LAMP2: variants seen among roughly 807,000 people sequenced by gnomAD.
The protein encoded by LAMP2 is lysosome associated membrane protein 2, also known as lysosome-associated membrane glycoprotein 2.
In LAMP2, 4 loss-of-function variants were observed where a neutral mutation model predicts 25.6. The observed-to-expected ratio is 0.16, with a 90% CI of 0.08 to 0.36. LAMP2 has a LOEUF of 0.36. Among genes scored for constraint, LAMP2 ranks in the 10% least tolerant of loss-of-function variants. The probability of loss-of-function intolerance (pLI) is 1.00; values close to 1 mark genes in which losing one functional copy is unlikely to be tolerated. For synonymous variants in LAMP2, 108 were observed against 112.7 expected, an observed-to-expected ratio of 0.96 and a Z score of 0.27; for missense variants, 272 against 301.4, an observed-to-expected ratio of 0.90 and a Z score of 0.72.
chrX:120,450,119 C>T (rs1369055465), intron 3 of LAMP2, among the ~76,000 whole-genome samples: 4 of 111,944 alleles, frequency 3.6e-5, no homozygotes, highest in East Asian at 2.8e-4. Context: ...CTTATAGAAC[C>T]GCTTCCTGGA....
intron 8 of LAMP2, chrX:120,438,335 C>T (rs1728889838): frequency 2.7e-6 from 2 of 752,243 alleles, no homozygotes; most frequent in African/African-American, 4.6e-5. Flanking sequence ...TTTATGAGCA[C>T]AAAGTACTAA....
At chrX:120,435,311 ATATC>A (rs2058538459) in intron 8 of LAMP2, among the ~76,000 whole-genome samples, 1 of 112,300 alleles carries the variant, frequency 8.9e-6, no homozygotes, top group South Asian at 3.7e-4. Flanking sequence ...TCATTCATGA[ATATC>A]TATACCAGTT....
At chrX:120,450,000 T>C in intron 3 of LAMP2, among the ~76,000 whole-genome samples, 1 of 111,789 alleles carries the variant, frequency 8.9e-6, no homozygotes, top group Non-Finnish European at 1.9e-5. Context: ...CATCAGGACT[T>C]AGTGACTATA....
chrX:120,440,439 T>C (rs1249007469), intron 8 of LAMP2, among the ~76,000 whole-genome samples: 1 of 112,257 alleles, frequency 8.9e-6, no homozygotes, highest in East Asian at 2.8e-4. Context: ...ATGTGTTGTA[T>C]TTATAGGTAC....
intron 3 of LAMP2, among the ~76,000 whole-genome samples, chrX:120,454,918 C>T (rs1218385314): frequency 3.5e-5 from 3 of 85,183 alleles, no homozygotes; most frequent in African/African-American, 8.8e-5. Context: ...TATATATACA[C>T]ACACACACAC....
Position 120,429,800 on chromosome X carries a change from A to G in LAMP2, c.*1523T>C. 1.1e-5 allele frequency: 8 copies of G among 753,853 alleles called. No individual in the cohort carries two copies. Among genetic ancestry groups the G allele is most frequent in the Non-Finnish European group, 1.3e-5 (8 of 638,924 alleles). 62.1% of individuals were successfully genotyped at this position (753,853 alleles called of 1,213,427 possible). A position where few individuals can be genotyped will look rare whatever the true frequency, so the allele number is the denominator to read the frequency against. ...CCCACTTGATATGGAACCTCAATGAATTTCACTCCCCTTTCTGTAAATAAT... is the reference window on the plus strand; with the variant it reads ...CCCACTTGATATGGAACCTCAATGAGTTTCACTCCCCTTTCTGTAAATAAT... On this transcript the variant is annotated 3_prime_UTR_variant, in exon 9 of 9. Coordinates refer to ENST00000200639, the MANE Select transcript of LAMP2 (RefSeq NM_002294.3).
chrX:120,453,781 C>T (rs777534336), intron 3 of LAMP2, among the ~76,000 whole-genome samples: 3 of 112,324 alleles, frequency 2.7e-5, no homozygotes, highest in Non-Finnish European at 5.6e-5. Flanking sequence ...GCACTCCAGC[C>T]TGGGCGACAG....
rs188382921 is a variant in LAMP2 at position 120,437,919 on chromosome X, G to A, written c.1093+3811C>T. On this transcript the variant is annotated intron_variant, in intron 8 of 8. Transcript: ENST00000200639. ...CGCCCAGGCTGGAGTGCAATGGTGC[G>A]CTCTTGGCTCACCGCAACCTCTGCC... 1,535 of 443,946 alleles carry A rather than the reference G, an allele frequency of 3.5e-3. 4 individuals carry two copies. The highest frequency in any genetic ancestry group is 9.1e-3 in the African/African-American group (339 of 37,120). The allele number at this position is 443,946 out of a possible 1,213,427, so 36.6% of individuals were successfully genotyped here.
chrX:120,441,406 C>T (rs191600156), intron 8 of LAMP2, among the ~76,000 whole-genome samples: 2 of 112,321 alleles, frequency 1.8e-5, no homozygotes, highest in Admixed American at 1.9e-4. Context: ...AGTGAGAAGA[C>T]GGCCTCAGGA....
At chrX:120,442,578 C>G in intron 7 of LAMP2, 21 bp downstream of exon 7, 1 of 1,175,651 alleles carries the variant, frequency 8.5e-7, no homozygotes, top group African/African-American at 1.8e-5. Context: ...GTCTTTTTCC[C>G]CAGGCCAGTG....
At chrX:120,444,555 C>T (rs891693603) in intron 6 of LAMP2, among the ~76,000 whole-genome samples, 4 of 111,126 alleles carry the variant, frequency 3.6e-5, no homozygotes, top group African/African-American at 1.3e-4. Flanking sequence ...CCTGACTCTC[C>T]TCCAGCCGGA....
chrX:120,438,895 A>G (rs2058558994), intron 8 of LAMP2: 1 of 931,599 alleles, frequency 1.1e-6, no homozygotes, highest in African/African-American at 2.0e-5. Context: ...AATTCAAGAC[A>G]GTAAAATAGA....
At position 120,428,484 on chromosome X, in the gene LAMP2, T is replaced by C; in HGVS notation, c.*2839A>G. Reference sequence around the variant, plus strand: ...ACAAACAAACACTAGATTTAACTGATTACACAGACTGATAACCAGTACGAC... The same window carrying C: ...ACAAACAAACACTAGATTTAACTGACTACACAGACTGATAACCAGTACGAC... On this transcript the variant is annotated 3_prime_UTR_variant, in exon 9 of 9. Transcript: ENST00000200639. 1 of 1,175,323 alleles carries C rather than the reference T, an allele frequency of 8.5e-7. No individual in the cohort carries two copies. Among genetic ancestry groups the C allele is most frequent in the Admixed American group, 2.5e-5 (1 of 39,276 alleles).
intron 8 of LAMP2, among the ~76,000 whole-genome samples, chrX:120,435,129 A>G: frequency 8.9e-6 from 1 of 112,069 alleles, no homozygotes; most frequent in Non-Finnish European, 1.9e-5. Flanking sequence ...GCGAGACTCC[A>G]TCTCAAACAA....
Position 120,456,766 on chromosome X carries a change from G to A in LAMP2, c.68C>T (p.Ala23Val). 5.6e-6 allele frequency: 6 copies of A among 1,066,739 alleles called. No homozygotes were observed. Among genetic ancestry groups the A allele is most frequent in the Non-Finnish European group, 7.7e-6 (6 of 776,181 alleles). 87.9% of individuals were successfully genotyped at this position (1,066,739 alleles called of 1,213,427 possible). The change falls in exon 2 of 9, where the codon GCT (alanine) becomes GTT (valine). Residue 23 changes from alanine to valine, a missense_variant. Coordinates refer to ENST00000200639, the MANE Select transcript of LAMP2 (RefSeq NM_002294.3). ...AAGTTCCAATGCATAAGACCGCACA[G>A]CTCCTGGATTCATTTAAAAAAATAA... ...GLVLVCLVLG[A>V]VRSYALELNL...
At chrX:120,464,716 T>C (rs1874803709) in intron 1 of LAMP2, among the ~76,000 whole-genome samples, 2 of 111,860 alleles carry the variant, frequency 1.8e-5, no homozygotes, top group South Asian at 3.7e-4. Context: ...CTCATTCTCC[T>C]TTCTCATTAC....
Position 120,430,740 on chromosome X carries a change from G to A in LAMP2, c.*583C>T, listed in dbSNP as rs181333906. 1.5e-5 allele frequency: 11 copies of A among 753,551 alleles called. No homozygotes were observed. In the East Asian group the frequency reaches 1.1e-3, roughly 72 times the overall value. The allele number at this position is 753,551 out of a possible 1,213,427, so 62.1% of individuals were successfully genotyped here. On this transcript the variant is annotated 3_prime_UTR_variant, in exon 9 of 9. Transcript: ENST00000200639. ...TAACTTCATGCTTAACTTGAACTCA[G>A]AGAAATCAGCAAAAGTCACATAACC...
rs375341409 is a variant in LAMP2, at chrX:120,441,899, A to G, written c.929-5T>C. On this transcript the variant is annotated splice_polypyrimidine_tract_variant and splice_region_variant and intron_variant, in intron 7 of 8. Transcript: ENST00000200639. ...TGTTATTTGCAATGCTGAAAACTTC[A>G]AAGAAAAGAAACAGGTTAGTAACTT... 2.8e-5 allele frequency: 34 copies of G among 1,203,928 alleles called. No homozygotes were observed. Among genetic ancestry groups the G allele is most frequent in the Non-Finnish European group, 3.6e-5 (32 of 889,848 alleles).
chrX:120,429,144 ATATG>A lies in LAMP2; in HGVS notation c.*2175_*2178del, dbSNP rs2058512001. 1.5e-6 allele frequency: 1 copy of A among 688,819 alleles called. No individual in the cohort carries two copies. The highest frequency in any genetic ancestry group is 8.4e-4 in the Middle Eastern group (1 of 1,191). 56.8% of individuals were successfully genotyped at this position (688,819 alleles called of 1,213,427 possible). A position where few individuals can be genotyped will look rare whatever the true frequency, so the allele number is the denominator to read the frequency against. On this transcript the variant is annotated 3_prime_UTR_variant, in exon 9 of 9. Coordinates refer to ENST00000200639, the MANE Select transcript of LAMP2 (RefSeq NM_002294.3). ...TGTATATATATGTGTGTGTGTATAT[ATATG>A]TGTGTGTGTGTACATATATATATAT...
Sources: allele counts gnomAD v4.1 joint callset (sites outside exome capture counted in the v4.1 genomes callset), GRCh38; gene constraint gnomAD v4.1.1; transcripts MANE v1.5; gene names NCBI Gene and HGNC (gene_info 2026-07-23, HGNC 2026-07-21).